Variants in TMEM132C observed in about 807,000 individuals in gnomAD.
TMEM132C encodes transmembrane protein 132C, also known as protein phosphatase 1, regulatory subunit 152.
In TMEM132C, 29 loss-of-function variants were observed where a neutral mutation model predicts 61.4. That is an observed-to-expected ratio of 0.47 (90% confidence interval 0.35 to 0.64). The LOEUF is 0.64. Among genes scored for constraint, TMEM132C ranks in the 30% least tolerant of loss-of-function variants. TMEM132C has a pLI of 0.00. For synonymous variants in TMEM132C, 656 were observed against 633.1 expected (o/e 1.04, Z -0.54); for missense variants, 1,408 against 1,476.9 (o/e 0.95, Z 0.76).
chr12:128,336,563 AT>A (rs927966398), intron 1 of TMEM132C, among the ~76,000 whole-genome samples: 17 of 152,108 alleles, frequency 1.1e-4, no homozygotes, highest in African/African-American at 3.6e-4. Flanking sequence ...AATATGTATC[AT>A]TTTTTTCTCA....
intron 1 of TMEM132C, among the ~76,000 whole-genome samples, chr12:128,279,939 A>G (rs547423025): frequency 1.1e-3 from 174 of 152,328 alleles, no homozygotes; most frequent in African/African-American, 4.0e-3. Flanking sequence ...TGATGGCTCT[A>G]GTACCTCTGG....
chr12:128,308,705 G>A (rs1178292578), intron 1 of TMEM132C, among the ~76,000 whole-genome samples: 3 of 152,172 alleles, frequency 2.0e-5, no homozygotes, highest in Non-Finnish European at 4.4e-5. Context: ...GCCAGCCATT[G>A]TCATCTTCTG....
At chr12:128,692,565 A>C (rs906715877) in intron 5 of TMEM132C, among the ~76,000 whole-genome samples, 1 of 152,182 alleles carries the variant, frequency 6.6e-6, no homozygotes, top group African/African-American at 2.4e-5. Flanking sequence ...TCTAATTTCC[A>C]GGGGATTTAA....
Position 128,383,036 on chromosome 12 carries a change from G to A in TMEM132C, c.86-31696G>A, listed in dbSNP as rs190025690. ...TGTGTATCTGTGTGTATGCATGTCT[G>A]TGTGTGTGCACGTGAGCATCTGTAT... is the stretch of plus-strand genomic sequence containing the variant. On this transcript the variant is annotated intron_variant, in intron 1 of 8. Transcript: ENST00000435159. Among the ~76,000 whole-genome samples, 52 of 152,194 alleles carry A rather than the reference G, an allele frequency of 3.4e-4. 1 individual carries two copies. In the East Asian group the frequency reaches 9.7e-3, roughly 28 times the overall value.
intron 5 of TMEM132C, among the ~76,000 whole-genome samples, chr12:128,675,853 A>ATAGATAGG (rs773721562): frequency 1.5e-5 from 2 of 130,678 alleles, no homozygotes; most frequent in Non-Finnish European, 3.2e-5. Context: ...AGATAGATAG[A>ATAGATAGG]TAGATAGATA....
intron 2 of TMEM132C, among the ~76,000 whole-genome samples, chr12:128,529,712 G>A (rs940782974): frequency 2.0e-5 from 3 of 152,162 alleles, no homozygotes; most frequent in African/African-American, 7.2e-5. Context: ...CTTGAACCTG[G>A]GAGGTGGAGG....
chr12:128,595,772 A>T (rs1319154992), intron 3 of TMEM132C, among the ~76,000 whole-genome samples: 2 of 152,154 alleles, frequency 1.3e-5, no homozygotes, highest in Non-Finnish European at 1.5e-5. Context: ...AATGGCAAGG[A>T]CCTAGAAGGG....
At position 128,570,656 on chromosome 12, in the gene TMEM132C, C is replaced by T. The variant is rs147490089; in HGVS notation, c.1121+26553C>T. ...CCCAGGCTCCTTTTCTCTTTCTGCT[C>T]TGCCATCTATGGCATGTGGTGGCTT... On this transcript the variant is annotated intron_variant, in intron 3 of 8. Transcript: ENST00000435159. The surrounding 1 kb of genome is among the most constrained non-coding windows in gnomAD (Gnocchi z 4.7). 1.2e-4 allele frequency among the ~76,000 whole-genome samples: 18 copies of T among 152,284 alleles called. No individual in the cohort carries two copies. The highest frequency in any genetic ancestry group is 2.5e-4 in the Non-Finnish European group (17 of 68,040).
At chr12:128,321,149 A>C (rs938553274) in intron 1 of TMEM132C, among the ~76,000 whole-genome samples, 5 of 147,680 alleles carry the variant, frequency 3.4e-5, no homozygotes, top group African/African-American at 1.2e-4. Flanking sequence ...AATAATAATA[A>C]TAATAATAAT....
chr12:128,549,591 C>T (rs1429054279), intron 3 of TMEM132C, among the ~76,000 whole-genome samples: 1 of 152,058 alleles, frequency 6.6e-6, no homozygotes, highest in Non-Finnish European at 1.5e-5. Flanking sequence ...GGCCAGGAGT[C>T]TTATCGGGGG....
At chr12:128,518,319 C>T (rs1320908554) in intron 2 of TMEM132C, among the ~76,000 whole-genome samples, 2 of 152,142 alleles carry the variant, frequency 1.3e-5, no homozygotes, top group East Asian at 1.9e-4. Flanking sequence ...AATTAACCCA[C>T]GAGTTTTATC....
At chr12:128,307,443 G>C (rs1283440670) in intron 1 of TMEM132C, among the ~76,000 whole-genome samples, 1 of 150,230 alleles carries the variant, frequency 6.7e-6, no homozygotes, top group Non-Finnish European at 1.5e-5. Context: ...AAAAAAATAG[G>C]AAAAAACAGC....
intron 1 of TMEM132C, among the ~76,000 whole-genome samples, chr12:128,329,978 A>T (rs1422214276): frequency 6.6e-6 from 1 of 152,052 alleles, no homozygotes; most frequent in East Asian, 1.9e-4. Flanking sequence ...GTACATGTGT[A>T]TTTCCTTGCT....
intron 1 of TMEM132C, among the ~76,000 whole-genome samples, chr12:128,289,255 T>C (rs573097732): frequency 6.6e-6 from 1 of 152,268 alleles, no homozygotes; most frequent in East Asian, 1.9e-4. Context: ...TTAACATACA[T>C]GCACACTTAT....
At chr12:128,618,733 T>C (rs987684640) in intron 4 of TMEM132C, among the ~76,000 whole-genome samples, 1 of 152,232 alleles carries the variant, frequency 6.6e-6, no homozygotes, top group African/African-American at 2.4e-5. Context: ...GACATGCTTT[T>C]TGCCTTCTGC....
intron 5 of TMEM132C, among the ~76,000 whole-genome samples, chr12:128,682,367 G>C (rs1359816623): frequency 6.6e-6 from 1 of 152,208 alleles, no homozygotes; most frequent in Admixed American, 6.5e-5. Context: ...TGGGTTAGGG[G>C]AATAGCCCAT....
intron 2 of TMEM132C, among the ~76,000 whole-genome samples, chr12:128,537,733 C>A (rs373012505): frequency 2.0e-5 from 3 of 152,146 alleles, no homozygotes; most frequent in East Asian, 3.9e-4. Context: ...CTACTCAAAT[C>A]TATACATAGG....
intron 1 of TMEM132C, among the ~76,000 whole-genome samples, chr12:128,284,768 T>C (rs1376313252): frequency 2.6e-5 from 4 of 152,188 alleles, no homozygotes; most frequent in Admixed American, 2.6e-4. Flanking sequence ...ATGATATAGA[T>C]GAATTTGGGA....
chr12:128,406,565 T>A (rs1204038876), intron 1 of TMEM132C, among the ~76,000 whole-genome samples: 5 of 151,776 alleles, frequency 3.3e-5, no homozygotes, highest in African/African-American at 1.2e-4. Context: ...ATAGAAGAGG[T>A]GAGGTGGATC....
Sources: allele counts gnomAD v4.1 joint callset (sites outside exome capture counted in the v4.1 genomes callset), GRCh38; gene constraint gnomAD v4.1.1; non-coding constraint Gnocchi (gnomAD v3.1); transcripts MANE v1.5; gene names NCBI Gene and HGNC (gene_info 2026-07-23, HGNC 2026-07-21).